The following LILRB1 variants were observed in gnomAD, a reference collection of about 807,000 sequenced individuals.
The protein encoded by LILRB1 is leukocyte immunoglobulin like receptor B1.
In LILRB1, 59 loss-of-function variants were observed where a neutral mutation model predicts 74.6. The observed-to-expected ratio is 0.79, with a 90% CI of 0.64 to 0.98. LILRB1 has a LOEUF of 0.98. LILRB1 is among the 50% of genes least tolerant of loss of function. LILRB1 has a pLI of 0.00. For synonymous variants in LILRB1, 328 were observed against 333.9 expected (o/e 0.98, Z 0.19); for missense variants, 804 against 822.6 (o/e 0.98, Z 0.28).
chr19:54,631,897 C>T (rs1431940809), intron 4 of LILRB1, 38 bp from the exon 5 acceptor site: 2 of 1,608,910 alleles, frequency 1.2e-6, no homozygotes, highest in Middle Eastern at 1.7e-4. Flanking sequence ...CGCGGGTGGT[C>T]TGAGCCACAT....
At chr19:54,631,808 C>T (rs1451611155) in intron 4 of LILRB1, 21 bp downstream of exon 4, 3 of 1,612,226 alleles carry the variant, frequency 1.9e-6, no homozygotes, top group Non-Finnish European at 2.5e-6. Flanking sequence ...ACTCAGGGGT[C>T]CCAGCCCCAG....
Position 54,633,314 on chromosome 19 carries a change from C to G in LILRB1, c.1257C>G (p.Val419=). The G allele has an allele frequency of 1.2e-6, 2 of 1,613,674 alleles. No homozygotes were observed. Among genetic ancestry groups the G allele is most frequent in the Non-Finnish European group, 1.7e-6 (2 of 1,179,686 alleles). The change falls in exon 7 of 15, where the codon GTC becomes GTG. Residue 419 remains valine, a synonymous_variant. Transcript: ENST00000324602. ...THPSDPLELV[V]SGPSGGPSSP... ...CCAGTGACCCCCTGGAGCTCGTGGT[C>G]TCAGGTGGGGGCCTTGACCCTGTCC...
At chr19:54,623,853 C>T (rs927311443) in intron 1 of LILRB1, among the ~76,000 whole-genome samples, 1 of 152,188 alleles carries the variant, frequency 6.6e-6, no homozygotes, top group Non-Finnish European at 1.5e-5. Flanking sequence ...GCACATTTTC[C>T]CCCGGCCCCG....
At chr19:54,635,052 G>A (rs1013719609) in intron 10 of LILRB1, 52 bp from the exon 11 acceptor site, 3 of 1,272,938 alleles carry the variant, frequency 2.4e-6, no homozygotes, top group Non-Finnish European at 2.2e-6. Flanking sequence ...GTGTGTGCAG[G>A]GCAGGGGGCT....
upstream of LILRB1, among the ~76,000 whole-genome samples, chr19:54,616,542 C>T (rs555743962): frequency 1.3e-5 from 2 of 152,324 alleles, no homozygotes; most frequent in South Asian, 4.1e-4. Context: ...TGAGCTTCTT[C>T]TCTGCCAGAA....
chr19:54,617,556 T>G (rs2063339760), intron 1 of LILRB1, among the ~76,000 whole-genome samples: 1 of 114,952 alleles, frequency 8.7e-6, no homozygotes, highest in African/African-American at 4.0e-5. Flanking sequence ...AGGATGTCTG[T>G]GTGTGTGTGT....
intron 6 of LILRB1, 22 bp downstream of exon 6, chr19:54,632,782 G>A (rs779004566): frequency 1.2e-5 from 19 of 1,611,246 alleles, no homozygotes; most frequent in Non-Finnish European, 1.4e-5. Flanking sequence ...AGCGGGTTCA[G>A]TCAGGGACCC....
In LILRB1 at chr19:54,623,871, G is replaced by A. The variant is rs569540029; in HGVS notation, c.-166+6522G>A. On this transcript the variant is annotated intron_variant, in intron 1 of 15. Coordinates refer to the LILRB1 transcript ENST00000396331. ...CATTTTCCCCCGGCCCCGCAGGGAG[G>A]GTGACTGTAGAGCATGTTGGGAAGG... Among the ~76,000 whole-genome samples the A allele has an allele frequency of 3.9e-5, 6 of 152,304 alleles. No homozygotes were observed. In the South Asian group the frequency reaches 8.3e-4, roughly 21 times the overall value.
At chr19:54,627,975 G>A (rs1392114192), upstream of LILRB1, among the ~76,000 whole-genome samples, 1 of 152,200 alleles carries the variant, frequency 6.6e-6, no homozygotes, top group East Asian at 1.9e-4. Flanking sequence ...ACACTCACCA[G>A]CAGTTTTGCT....
intron 3 of LILRB1, 50 bp from the exon 4 acceptor site, chr19:54,631,450 C>A (rs766872510): frequency 1.3e-6 from 2 of 1,597,762 alleles, no homozygotes; most frequent in South Asian, 2.2e-5. Context: ...CTGGAATCTG[C>A]TGGGTTGGGT....
At chr19:54,633,761 C>A in intron 8 of LILRB1, 73 bp downstream of exon 8, 1 of 1,528,668 alleles carries the variant, frequency 6.5e-7, no homozygotes. Flanking sequence ...CCCAGAGAAT[C>A]CCATTCCCCT....
intron 10 of LILRB1, 147 bp downstream of exon 10, chr19:54,634,910 CA>C: frequency 1.3e-6 from 2 of 1,492,660 alleles, no homozygotes; most frequent in Non-Finnish European, 1.8e-6. Context: ...GTCCCATCTA[CA>C]AATGTAAAGT....
At position 54,631,492 on chromosome 19, in the gene LILRB1, C is replaced by T. The variant is rs548009148; in HGVS notation, c.71-8C>T. The T allele has an allele frequency of 1.2e-6, 2 of 1,604,414 alleles. No individual in the cohort carries two copies. The highest frequency in any genetic ancestry group is 1.3e-5 in the African/African-American group (1 of 74,564). ...TGAGTTAGAATCTGACTCCTGATTT[C>T]CTTCCAGGGCACCTCCCCAAGCCCA... On this transcript the variant is annotated splice_region_variant and splice_polypyrimidine_tract_variant and intron_variant, in intron 3 of 14. Coordinates refer to ENST00000324602, the MANE Select transcript of LILRB1 (RefSeq NM_001081637.3).
chr19:54,635,353 G>A lies in LILRB1; in HGVS notation c.1600+57G>A, dbSNP rs183199405. On this transcript the variant is annotated intron_variant, in intron 12 of 14. Transcript: ENST00000324602. ...GGGAGATGGGGGCCCCGAAGTTTCC[G>A]TAGCAATGGGGAAAGGGGCGCTGGC... 6.1e-4 allele frequency: 972 copies of A among 1,603,028 alleles called. 6 individuals are homozygous for A. The Middle Eastern group carries it at 0.012, about 20-fold the overall frequency.
chr19:54,629,166 T>A (rs1455317664), upstream of LILRB1, among the ~76,000 whole-genome samples: 2 of 152,120 alleles, frequency 1.3e-5, no homozygotes, highest in Non-Finnish European at 2.9e-5. Flanking sequence ...CTGTAGCATT[T>A]GTGGGATGCA....
Position 54,635,448 on chromosome 19 carries a change from C to G in LILRB1, c.1601-109C>G, listed in dbSNP as rs2064311923. On this transcript the variant is annotated intron_variant, in intron 12 of 14. Transcript: ENST00000324602. ...TGTGGGGCCTCAGGGACATCGCAGCCCCTCCCTGCATCTCAGTGGCCCCAT... is the reference window on the plus strand; with the variant it reads ...TGTGGGGCCTCAGGGACATCGCAGCGCCTCCCTGCATCTCAGTGGCCCCAT... 4.0e-6 allele frequency: 6 copies of G among 1,517,188 alleles called. No homozygotes were observed. In the Admixed American group the frequency reaches 1.1e-4, roughly 28 times the overall value. 94.0% of individuals were successfully genotyped at this position (1,517,188 alleles called of 1,614,324 possible).
At chr19:54,616,728 G>C (rs1256606771), upstream of LILRB1, among the ~76,000 whole-genome samples, 1 of 152,042 alleles carries the variant, frequency 6.6e-6, no homozygotes, top group African/African-American at 2.4e-5. Context: ...TCTCGATTTG[G>C]CTTGTCTGTT....
At position 54,636,938 on chromosome 19, in the gene LILRB1, C is replaced by T. The variant is rs931593747; in HGVS notation, c.*60C>T. The T allele has an allele frequency of 3.3e-5, 53 of 1,604,574 alleles. No individual in the cohort carries two copies. The highest frequency in any genetic ancestry group is 5.0e-5 in the Admixed American group (3 of 59,712). On this transcript the variant is annotated 3_prime_UTR_variant, in exon 15 of 15. Coordinates refer to ENST00000324602, the MANE Select transcript of LILRB1 (RefSeq NM_001081637.3). Reference sequence around the variant, plus strand: ...GTCTGGAATGCATGGGAGCTGCCCCCCCAGTGGACACCATTGGACCCCACC... The same window carrying T: ...GTCTGGAATGCATGGGAGCTGCCCCTCCAGTGGACACCATTGGACCCCACC...
At chr19:54,622,805 G>A (rs987810504) in intron 1 of LILRB1, among the ~76,000 whole-genome samples, 8 of 152,242 alleles carry the variant, frequency 5.3e-5, no homozygotes, top group Non-Finnish European at 5.9e-5. Context: ...TTGGCTGTGC[G>A]TTTGTCTTAT....
Sources: gnomAD v4.1 joint callset for allele counts (sites outside exome capture counted in the v4.1 genomes callset) on GRCh38, gnomAD v4.1.1 for gene constraint, MANE v1.5 for transcripts, NCBI Gene and HGNC (gene_info 2026-07-23, HGNC 2026-07-21) for gene names.